Variants in BUB1 observed in about 807,000 individuals in gnomAD.
The protein encoded by BUB1 is mitotic checkpoint serine/threonine-protein kinase BUB1.
Under a neutral mutation model 135.2 loss-of-function variants are expected in BUB1, and 84 were observed. The ratio of observed to expected loss-of-function variants is 0.62; its 90% CI spans 0.52 to 0.74. The LOEUF (loss-of-function observed/expected upper bound fraction) is 0.74. Among genes scored for constraint, BUB1 ranks in the 30% least tolerant of loss-of-function variants. BUB1 has a pLI of 0.00. For missense variants in BUB1, 1,162 were observed against 1,288.3 expected, an observed-to-expected ratio of 0.90 and a Z score of 1.50; for synonymous variants, 403 against 434.4, an observed-to-expected ratio of 0.93 and a Z score of 0.90.
rs111776874 is a variant in BUB1, at chr2:110,657,558, T to C, written c.1604A>G (p.Lys535Arg). The C allele has an allele frequency of 6.2e-7, 1 of 1,602,960 alleles. No homozygotes were observed. The highest frequency in any genetic ancestry group is 8.5e-7 in the Non-Finnish European group (1 of 1,174,984). Residue 535 changes from lysine to arginine, a missense_variant, in exon 14 of 25, where the codon AAA (lysine) becomes AGA (arginine). By Grantham distance (26) the Lys-to-Arg change is conservative. Coordinates refer to ENST00000302759, the MANE Select transcript of BUB1 (RefSeq NM_004336.5). ...GGTATTTTTTTACCCATAATTTTCT[T>C]TGTTTCCATCTTCAAACACATGAAA... Reference protein sequence around the residue: ...SAFHVFEDGNKENYGLPQPKN... With the variant: ...SAFHVFEDGNRENYGLPQPKN...
At position 110,650,591 on chromosome 2, in the gene BUB1, C is replaced by G. The variant is rs577463953; in HGVS notation, c.2158G>C (p.Ala720Pro). The change falls in exon 18 of 25, where the codon GCA becomes CCA. Residue 720 changes from alanine (A) to proline (P), a missense_variant. Physicochemically the swap from Ala to Pro is conservative, Grantham distance 27. Transcript: ENST00000302759. Reference sequence around the variant, plus strand: ...AGTGAACTCATCTGCATCCATTCTGCTTGGAGCCCAGCAATAGCATCTGGT... The same window carrying G: ...AGTGAACTCATCTGCATCCATTCTGGTTGGAGCCCAGCAATAGCATCTGGT... ...DPPDAIAGLQAEWMQMSSLGT... is the reference protein window; with the variant it reads ...DPPDAIAGLQPEWMQMSSLGT... The G allele has an allele frequency of 6.2e-7, 1 of 1,613,776 alleles. No homozygotes were observed. The highest frequency in any genetic ancestry group is 8.5e-7 in the Non-Finnish European group (1 of 1,179,948).
intron 8 of BUB1, among the ~76,000 whole-genome samples, chr2:110,666,852 C>A (rs780510903): frequency 1.3e-5 from 2 of 152,200 alleles, no homozygotes; most frequent in African/African-American, 4.8e-5. Flanking sequence ...ATGCTGTGGT[C>A]AGTCCCATTT....
chr2:110,643,357 T>C (rs7581640), intron 19 of BUB1, among the ~76,000 whole-genome samples: 21,202 of 152,020 alleles, frequency 0.14, 3,211 homozygotes, highest in African/African-American at 0.38. Flanking sequence ...AACCCAAAGA[T>C]AACAGGGGAA....
At position 110,674,113 on chromosome 2, in the gene BUB1, T is replaced by C. The variant is rs891883323; in HGVS notation, c.198A>G (p.Pro66=). The part of the protein sequence containing the change: ...FLDKKKYHND[P]RFISYCLKFA... Reference sequence around the variant, plus strand: ...ATTTTAAACAATAACTGATGAATCTTGGGTCATTGTGGTATTTCTTCTTAT... The same window carrying C: ...ATTTTAAACAATAACTGATGAATCTCGGGTCATTGTGGTATTTCTTCTTAT... The change falls in exon 3 of 25, where the codon CCA becomes CCG. Residue 66 remains proline, a synonymous_variant. Coordinates refer to ENST00000302759, the MANE Select transcript of BUB1 (RefSeq NM_004336.5). The C allele has an allele frequency of 4.5e-6, 7 of 1,539,370 alleles. No homozygotes were observed. In the African/African-American group the frequency reaches 6.8e-5, roughly 15 times the overall value.
intron 18 of BUB1, among the ~76,000 whole-genome samples, chr2:110,649,758 A>T (rs1178949499): frequency 6.6e-6 from 1 of 152,198 alleles, no homozygotes; most frequent in Non-Finnish European, 1.5e-5. Flanking sequence ...CATATTATTT[A>T]ATTTCTTTTC....
At chr2:110,668,861 G>C (rs566174878) in intron 6 of BUB1, among the ~76,000 whole-genome samples, 4 of 152,296 alleles carry the variant, frequency 2.6e-5, no homozygotes, top group Admixed American at 6.5e-5. Flanking sequence ...TCCTGAGAGA[G>C]AGGCTAGAGG....
chr2:110,662,409 C>T (rs1690124547), intron 9 of BUB1, among the ~76,000 whole-genome samples: 1 of 152,232 alleles, frequency 6.6e-6, no homozygotes, highest in South Asian at 2.1e-4. Flanking sequence ...CTTTGCTACT[C>T]ACATCAGTGT....
chr2:110,639,158 T>C (rs1466438553), intron 24 of BUB1, among the ~76,000 whole-genome samples: 1 of 152,006 alleles, frequency 6.6e-6, no homozygotes, highest in Non-Finnish European at 1.5e-5. Context: ...TGTTCACACA[T>C]TGTGTTAGGA....
At position 110,673,732 on chromosome 2, in the gene BUB1, G is replaced by A. The variant is rs557696756; in HGVS notation, c.225+354C>T. Reference sequence around the variant, plus strand: ...TCCTGCCATAGCCCCCCGAGTAGCTGGGATTACAGGTGCCTGCCACCATGC... The same window carrying A: ...TCCTGCCATAGCCCCCCGAGTAGCTAGGATTACAGGTGCCTGCCACCATGC... On this transcript the variant is annotated intron_variant, in intron 3 of 24. Coordinates refer to ENST00000302759, the MANE Select transcript of BUB1 (RefSeq NM_004336.5). Among the ~76,000 whole-genome samples the A allele has an allele frequency of 4.6e-5, 7 of 152,190 alleles. No homozygotes were observed. In the South Asian group the frequency reaches 1.5e-3, roughly 32 times the overall value.
At position 110,637,931 on chromosome 2, in the gene BUB1, G is replaced by A. The variant is rs1689406147; in HGVS notation, c.*33C>T. 1 of 1,327,870 alleles carries A rather than the reference G, an allele frequency of 7.5e-7. No homozygotes were observed. The highest frequency in any genetic ancestry group is 2.2e-5 in the South Asian group (1 of 45,994). The allele number at this position is 1,327,870 out of a possible 1,614,324, so 82.3% of individuals were successfully genotyped here. A position where few individuals can be genotyped will look rare whatever the true frequency, so the allele number is the denominator to read the frequency against. ...TAAAGTGAGCAGATTCATATTTACA[G>A]TGTGATTTTTAAGGACTGTCTATAT... On this transcript the variant is annotated 3_prime_UTR_variant, in exon 25 of 25. Coordinates refer to ENST00000302759, the MANE Select transcript of BUB1 (RefSeq NM_004336.5).
rs1689725264 is a variant in BUB1, at chr2:110,649,399, A to C, written c.2204-22T>G. 1.9e-6 allele frequency: 3 copies of C among 1,543,002 alleles called. No homozygotes were observed. The Admixed American group carries it at 6.6e-5, about 34-fold the overall frequency. On this transcript the variant is annotated intron_variant, in intron 18 of 24. Transcript: ENST00000302759. ...AAGTCTTAAAGGAATGAGAAAAAAAAAAAAAAAGGGAACATGAATTGAGTA... is the reference window on the plus strand; with the variant it reads ...AAGTCTTAAAGGAATGAGAAAAAAACAAAAAAAGGGAACATGAATTGAGTA...
intron 9 of BUB1, among the ~76,000 whole-genome samples, chr2:110,664,680 A>G (rs58093108): frequency 0.085 from 12,919 of 151,752 alleles, 972 homozygotes; most frequent in African/African-American, 0.19. Flanking sequence ...ACCACAGGAA[A>G]GGAGCCAGGG....
chr2:110,641,697 A>T lies in BUB1; in HGVS notation c.2570T>A (p.Leu857Ter). ...HMFMKFYSAHLFQNGSVLVGE... is the reference protein window; with the variant it reads ...HMFMKFYSAH ...TACTAATACACTGCCATTCTGGAAT[A>T]AGTGGGCAGAATAGAACTTCATAAA... Residue 857 changes from leucine (L) to a stop codon, truncating the protein, a stop_gained, in exon 21 of 25, where the codon TTA (leucine) becomes TAA (stop). Coordinates refer to ENST00000302759, the MANE Select transcript of BUB1 (RefSeq NM_004336.5). LOFTEE classifies it high-confidence loss of function. 6.2e-7 allele frequency: 1 copy of T among 1,613,302 alleles called. No homozygotes were observed.
intron 11 of BUB1, among the ~76,000 whole-genome samples, 197 bp from the exon 12 acceptor site, chr2:110,658,939 A>G (rs1574326163): frequency 6.6e-6 from 1 of 152,230 alleles, no homozygotes; most frequent in African/African-American, 2.4e-5. Context: ...TGAGGTGAAA[A>G]TTATCCTTTT....
Position 110,639,735 on chromosome 2 carries a change from TACTC to T in BUB1, c.3062+3_3062+6del. On this transcript the variant is annotated splice_donor_5th_base_variant and intron_variant, in intron 24 of 24. Coordinates refer to ENST00000302759, the MANE Select transcript of BUB1 (RefSeq NM_004336.5). ...CTTTTCACTACAGCACCAATGCTAA[TACTC>T]ACCTTCTAAAAAGACCTTCAGGCTT... 6.3e-7 allele frequency: 1 copy of T among 1,592,178 alleles called. No homozygotes were observed. Among genetic ancestry groups the T allele is most frequent in the Non-Finnish European group, 8.6e-7 (1 of 1,160,272 alleles).
chr2:110,638,984 C>T (rs138609181), intron 24 of BUB1, among the ~76,000 whole-genome samples: 2 of 151,660 alleles, frequency 1.3e-5, no homozygotes, highest in African/African-American at 2.4e-5. Context: ...CCTACTCTTA[C>T]GTTTTCTCAA....
chr2:110,644,277 G>C (rs950052165), intron 19 of BUB1, among the ~76,000 whole-genome samples: 1 of 151,546 alleles, frequency 6.6e-6, no homozygotes. Flanking sequence ...TTGAGGTCAG[G>C]AGTTCAAGGC....
At chr2:110,654,633 CT>C (rs57453073) in intron 16 of BUB1, among the ~76,000 whole-genome samples, 14,990 of 126,886 alleles carry the variant, frequency 0.12, 1,246 homozygotes, top group African/African-American at 0.25. Context: ...AGGCTTTAAT[CT>C]TTTTTTTTTT....
At position 110,674,159 on chromosome 2, in the gene BUB1, T is replaced by C; in HGVS notation, c.152A>G (p.His51Arg). Residue 51 changes from histidine (H) to arginine (R), a missense_variant, in exon 3 of 25, where the codon CAT becomes CGT. Transcript: ENST00000302759. The part of the protein sequence containing the change: ...NKEYLITLLE[H>R]LMKEFLDKKK... ...CTTATCTAAAAATTCCTTCATTAAA[T>C]GTTCTAGTAAAGTTATCAAGTATTC... 1 of 1,587,626 alleles carries C rather than the reference T, an allele frequency of 6.3e-7. No homozygotes were observed. Among genetic ancestry groups the C allele is most frequent in the Middle Eastern group, 1.7e-4 (1 of 6,010 alleles).
Sources: allele counts gnomAD v4.1 joint callset (sites outside exome capture counted in the v4.1 genomes callset), GRCh38; gene constraint gnomAD v4.1.1; transcripts MANE v1.5; gene names NCBI Gene and HGNC (gene_info 2026-07-23, HGNC 2026-07-21).